Variants in MYBL1 observed in about 807,000 individuals in gnomAD.
MYBL1 encodes the protein MYB proto-oncogene like 1, also known as myb-related protein A.
A neutral mutation model predicts 96.3 loss-of-function variants in MYBL1; 17 were observed. The ratio of observed to expected loss-of-function variants is 0.18; its 90% CI spans 0.12 to 0.26. The LOEUF is 0.26. MYBL1 is among the 10% of genes least tolerant of loss of function. The probability of loss-of-function intolerance (pLI) is 1.00; values close to 1 mark genes in which losing one functional copy is unlikely to be tolerated. For missense variants in MYBL1, 701 were observed against 882.9 expected, an observed-to-expected ratio of 0.79 and a Z score of 2.61; for synonymous variants, 282 against 292.7, an observed-to-expected ratio of 0.96 and a Z score of 0.37.
intron 13 of MYBL1, 42 bp downstream of exon 13, chr8:66,566,834 G>A (rs1217600028): frequency 6.3e-7 from 1 of 1,587,284 alleles, no homozygotes; most frequent in Non-Finnish European, 8.6e-7. Flanking sequence ...AAGTCTCTTG[G>A]ATACAATAAG....
chr8:66,602,763 T>C (rs1363628378), intron 1 of MYBL1, among the ~76,000 whole-genome samples: 2 of 99,370 alleles, frequency 2.0e-5, no homozygotes, highest in Non-Finnish European at 4.0e-5. Context: ...TTTTTTTTTC[T>C]GAGACGGAGT....
chr8:66,602,322 A>T, intron 2 of MYBL1, 96 bp downstream of exon 2: 1 of 751,162 alleles, frequency 1.3e-6, no homozygotes, highest in Non-Finnish European at 2.0e-6. Flanking sequence ...AAGGGCTGGG[A>T]TTACAGGCGT....
chr8:66,585,474 C>T (rs1284467911), intron 8 of MYBL1, among the ~76,000 whole-genome samples: 3 of 152,274 alleles, frequency 2.0e-5, no homozygotes, highest in Admixed American at 6.5e-5. Context: ...GCACAGTGGC[C>T]TCATGCCTGT....
chr8:66,590,083 C>CA (rs912583930), intron 8 of MYBL1, among the ~76,000 whole-genome samples: 5 of 149,720 alleles, frequency 3.3e-5, no homozygotes, highest in African/African-American at 1.3e-4. Flanking sequence ...CAAAAAATCC[C>CA]AAAAAAACAA....
intron 4 of MYBL1, 136 bp from the exon 5 acceptor site, chr8:66,597,686 A>C: frequency 1.6e-6 from 1 of 614,400 alleles, no homozygotes; most frequent in Non-Finnish European, 2.7e-6. Flanking sequence ...ATTACCAATA[A>C]ATACCCCTTT....
At chr8:66,581,594 T>G (rs1370692206) in intron 8 of MYBL1, among the ~76,000 whole-genome samples, 1 of 152,154 alleles carries the variant, frequency 6.6e-6, no homozygotes, top group Non-Finnish European at 1.5e-5. Context: ...GGGCATCACT[T>G]GAACCCAGGA....
chr8:66,575,951 C>T lies in MYBL1; in HGVS notation c.1470+56G>A, dbSNP rs544781012. ...AACTGCTAGTAAGGATGTTAAAGAT[C>T]TAATTTAATGTAACTCATTGACATT... On this transcript the variant is annotated intron_variant, in intron 10 of 15. Coordinates refer to ENST00000522677, the MANE Select transcript of MYBL1 (RefSeq NM_001080416.4). 3.3e-6 allele frequency: 5 copies of T among 1,530,902 alleles called. No homozygotes were observed. In the South Asian group the frequency reaches 6.4e-5, roughly 20 times the overall value. 94.8% of individuals were successfully genotyped at this position (1,530,902 alleles called of 1,614,324 possible). A position where few individuals can be genotyped will look rare whatever the true frequency, so the allele number is the denominator to read the frequency against.
rs762581828 is a variant in MYBL1 at position 66,572,564 on chromosome 8, A to G, written c.1646T>C (p.Leu549Pro). ...FRTPTIRRSI[L>P]GTTPRTPTPF... The stretch of plus-strand genomic sequence containing the variant: ...AGTAGGAGTTCTTGGTGTGGTACCC[A>G]GTATAGATCTTCTAATAGTAGGTGT... Residue 549 changes from leucine (L) to proline (P), a missense_variant, in exon 12 of 16, where the codon CTG becomes CCG. Transcript: ENST00000522677. 5 of 1,593,352 alleles carry G rather than the reference A, an allele frequency of 3.1e-6. No individual in the cohort carries two copies. The highest frequency in any genetic ancestry group is 4.3e-6 in the Non-Finnish European group (5 of 1,166,130).
chr8:66,594,604 C>G (rs1396467824), intron 6 of MYBL1, among the ~76,000 whole-genome samples: 1 of 152,048 alleles, frequency 6.6e-6, no homozygotes, highest in Non-Finnish European at 1.5e-5. Context: ...AAGACAGAAG[C>G]AGAATGTTTC....
chr8:66,603,889 ATAAAT>A (rs1335779708), intron 1 of MYBL1, among the ~76,000 whole-genome samples: 1 of 152,196 alleles, frequency 6.6e-6, no homozygotes, highest in Admixed American at 6.5e-5. Flanking sequence ...TCCCTAATTC[ATAAAT>A]TAAATTAAAT....
rs1398693195 is a variant in MYBL1, at chr8:66,563,134, G to A, written c.*1563C>T. 2 of 152,402 alleles carry A rather than the reference G, an allele frequency of 1.3e-5. No homozygotes were observed. Among genetic ancestry groups the A allele is most frequent in the Non-Finnish European group, 2.9e-5 (2 of 67,970 alleles). 9.4% of individuals were successfully genotyped at this position (152,402 alleles called of 1,614,324 possible). A position where few individuals can be genotyped will look rare whatever the true frequency, so the allele number is the denominator to read the frequency against. On this transcript the variant is annotated 3_prime_UTR_variant, in exon 16 of 16. Transcript: ENST00000522677. ...ATTTGCAAGAATTTGCCTGGTAATG[G>A]TTGATTCCATTTAGTTAACTTGAGA...
In MYBL1 at chr8:66,564,620, G is replaced by A; in HGVS notation, c.*77C>T. The A allele has an allele frequency of 8.0e-7, 1 of 1,252,234 alleles. No homozygotes were observed. The highest frequency in any genetic ancestry group is 1.1e-6 in the Non-Finnish European group (1 of 937,980). 77.6% of individuals were successfully genotyped at this position (1,252,234 alleles called of 1,614,324 possible). A position where few individuals can be genotyped will look rare whatever the true frequency, so the allele number is the denominator to read the frequency against. On this transcript the variant is annotated 3_prime_UTR_variant, in exon 16 of 16. Coordinates refer to ENST00000522677, the MANE Select transcript of MYBL1 (RefSeq NM_001080416.4). ...CTTACAACTTTAAAAACAACTAATT[G>A]AGAAAAATTTCACTGCAACCTAATT...
rs758697885 is a variant in MYBL1 at position 66,573,353 on chromosome 8, T to C, written c.1613+11A>G. 8 of 1,596,892 alleles carry C rather than the reference T, an allele frequency of 5.0e-6. No individual in the cohort carries two copies. In the South Asian group the frequency reaches 6.9e-5, roughly 14 times the overall value. On this transcript the variant is annotated intron_variant, in intron 11 of 15. Coordinates refer to ENST00000522677, the MANE Select transcript of MYBL1 (RefSeq NM_001080416.4). ...CATTTTCTCTAACACAATTATTTAA[T>C]ACCTACTTACCCTACATTTTCCTTT...
chr8:66,613,030 A>G lies in MYBL1; in HGVS notation c.-192T>C. 1.9e-6 allele frequency: 1 copy of G among 532,766 alleles called. No homozygotes were observed. Among genetic ancestry groups the G allele is most frequent in the Non-Finnish European group, 2.9e-6 (1 of 344,710 alleles). The allele number at this position is 532,766 out of a possible 1,614,324, so 33.0% of individuals were successfully genotyped here. ...GGGGGCGGACCGCGACCCGACCCCGACCCCGGCCCGCAGCGCCGCTCTTAG... is the reference window on the plus strand; with the variant it reads ...GGGGGCGGACCGCGACCCGACCCCGGCCCCGGCCCGCAGCGCCGCTCTTAG... On this transcript the variant is annotated 5_prime_UTR_variant, in exon 1 of 16. Coordinates refer to ENST00000522677, the MANE Select transcript of MYBL1 (RefSeq NM_001080416.4).
At chr8:66,585,049 T>C (rs1328395173) in intron 8 of MYBL1, among the ~76,000 whole-genome samples, 1 of 152,062 alleles carries the variant, frequency 6.6e-6, no homozygotes, top group Non-Finnish European at 1.5e-5. Flanking sequence ...CTAAAATTCA[T>C]TTAAAAAACT....
intron 7 of MYBL1, 106 bp downstream of exon 7, chr8:66,593,014 G>T: frequency 1.5e-6 from 1 of 677,828 alleles, no homozygotes; most frequent in Non-Finnish European, 2.5e-6. Context: ...AGGACAGATC[G>T]TATTATTTTT....
At chr8:66,592,385 A>G (rs1586583982) in intron 8 of MYBL1, 55 bp downstream of exon 8, 2 of 1,160,628 alleles carry the variant, frequency 1.7e-6, no homozygotes, top group Admixed American at 2.2e-5. Context: ...GATAAAAATG[A>G]CAAAAAGCAT....
intron 8 of MYBL1, among the ~76,000 whole-genome samples, chr8:66,591,137 A>T (rs1290756453): frequency 6.6e-6 from 1 of 152,072 alleles, no homozygotes; most frequent in Non-Finnish European, 1.5e-5. Context: ...TCACGAGGTC[A>T]GGAGATCGAG....
At chr8:66,569,772 C>A (rs926195737) in intron 12 of MYBL1, among the ~76,000 whole-genome samples, 1 of 152,172 alleles carries the variant, frequency 6.6e-6, no homozygotes, top group African/African-American at 2.4e-5. Context: ...AAGAATTATT[C>A]TCTTAATTGT....
Sources: gnomAD v4.1 joint callset for allele counts (sites outside exome capture counted in the v4.1 genomes callset) on GRCh38, gnomAD v4.1.1 for gene constraint, MANE v1.5 for transcripts, NCBI Gene and HGNC (gene_info 2026-07-23, HGNC 2026-07-21) for gene names.